The following CRISP2 variants were observed in gnomAD, a reference collection of about 807,000 sequenced individuals.
The protein encoded by CRISP2 is cysteine rich secretory protein 2, also known as cysteine-rich secretory protein 2.
CRISP2 carries 29 observed loss-of-function variants against 31.7 expected under a neutral mutation model. The observed-to-expected ratio is 0.92, with a 90% CI of 0.68 to 1.25. The LOEUF (loss-of-function observed/expected upper bound fraction) is 1.25, where lower values mean the gene tolerates loss of function less well. Ranked by LOEUF, CRISP2 falls within the 50% of genes most tolerant of loss-of-function variation. CRISP2 has a pLI of 0.00. For synonymous variants in CRISP2, 111 were observed against 101.4 expected, an observed-to-expected ratio of 1.09 and a Z score of -0.57; for missense variants, 318 against 286.5, an observed-to-expected ratio of 1.11 and a Z score of -0.79.
At chr6:49,709,535 A>G (rs1257791319) in intron 3 of CRISP2, among the ~76,000 whole-genome samples, 4 of 152,192 alleles carry the variant, frequency 2.6e-5, no homozygotes, top group Non-Finnish European at 5.9e-5. Flanking sequence ...CTTAATAGTT[A>G]ATTATAGTAC....
intron 4 of CRISP2, among the ~76,000 whole-genome samples, chr6:49,707,808 C>G (rs1325531698): frequency 2.6e-5 from 4 of 152,158 alleles, no homozygotes; most frequent in African/African-American, 9.7e-5. Context: ...CAGAGGCTAC[C>G]TGCTCAGGAG....
intron 9 of CRISP2, 26 bp from the exon 10 acceptor site, chr6:49,692,926 T>G: frequency 6.2e-7 from 1 of 1,610,032 alleles, no homozygotes; most frequent in South Asian, 1.1e-5. Context: ...ATTAGTTAAC[T>G]CATTATCGTT....
chr6:49,704,957 G>A (rs1343499219), intron 4 of CRISP2, among the ~76,000 whole-genome samples: 8 of 152,132 alleles, frequency 5.3e-5, no homozygotes, highest in South Asian at 2.1e-4. Flanking sequence ...GTAACAGCTC[G>A]AGTTGGTTTC....
chr6:49,683,634 A>C, the CRISP2 span, among the ~76,000 whole-genome samples: 2 of 131,406 alleles, frequency 1.5e-5, no homozygotes, highest in Admixed American at 1.7e-4. Context: ...ACTGCACTCC[A>C]GCCTGGGCAG....
In CRISP2 at chr6:49,695,726, A is replaced by G. The variant is rs967487922; in HGVS notation, c.604+110T>C. 3 of 920,048 alleles carry G rather than the reference A, an allele frequency of 3.3e-6. No individual in the cohort carries two copies. The Admixed American group carries it at 9.3e-5, about 29-fold the overall frequency. 57.0% of individuals were successfully genotyped at this position (920,048 alleles called of 1,614,324 possible). A position where few individuals can be genotyped will look rare whatever the true frequency, so the allele number is the denominator to read the frequency against. On this transcript the variant is annotated intron_variant, in intron 9 of 9. Transcript: ENST00000339139. Reference sequence around the variant, plus strand: ...TTGTTGAATAATTTTGGGTTTTTTCACCAATACATTATTTCAATTCATTAC... The same window carrying G: ...TTGTTGAATAATTTTGGGTTTTTTCGCCAATACATTATTTCAATTCATTAC...
chr6:49,691,598 T>C (rs1197130799), downstream of CRISP2, among the ~76,000 whole-genome samples: 2 of 152,066 alleles, frequency 1.3e-5, no homozygotes, highest in South Asian at 2.1e-4. Flanking sequence ...TCTCTCTATA[T>C]ATTTTTTCCG....
chr6:49,689,484 T>C (rs1212869123), downstream of CRISP2, among the ~76,000 whole-genome samples: 3 of 152,096 alleles, frequency 2.0e-5, no homozygotes, highest in Non-Finnish European at 4.4e-5. Flanking sequence ...TAATCACTCA[T>C]TATGTGCCAA....
chr6:49,711,136 C>A (rs1216757698), intron 3 of CRISP2, 149 bp downstream of exon 3: 1 of 151,248 alleles, frequency 6.6e-6, no homozygotes, highest in African/African-American at 2.5e-5. Context: ...CAGAAAGAGA[C>A]CCTGTCTCTA....
chr6:49,683,876 G>A, the CRISP2 span, among the ~76,000 whole-genome samples: 1 of 150,602 alleles, frequency 6.6e-6, no homozygotes, highest in Admixed American at 6.6e-5. Context: ...TTTATATAAA[G>A]GAAATATTTA....
At chr6:49,687,283 T>C in the CRISP2 span, among the ~76,000 whole-genome samples, 6 of 152,220 alleles carry the variant, frequency 3.9e-5, no homozygotes, top group South Asian at 1.2e-3. Context: ...ATGTATAAAA[T>C]ATTAAGTGAA....
chr6:49,703,722 G>A (rs1013060046), intron 4 of CRISP2, among the ~76,000 whole-genome samples: 2 of 152,146 alleles, frequency 1.3e-5, no homozygotes, highest in African/African-American at 2.4e-5. Flanking sequence ...AGATAAATCT[G>A]TGGTTAATCT....
rs146056148 is a variant in CRISP2 at position 49,693,004 on chromosome 6, T to A, written c.605-104A>T. ...AGGGGGTAGGAGGGAACAAACAAGT[T>A]AGCATCGCTTACACTACAATGGGTC... is the stretch of plus-strand genomic sequence containing the variant. On this transcript the variant is annotated intron_variant, in intron 9 of 9. Coordinates refer to ENST00000339139, the MANE Select transcript of CRISP2 (RefSeq NM_003296.4). 995 of 1,155,732 alleles carry A rather than the reference T, an allele frequency of 8.6e-4. 7 individuals are homozygous for A. The Middle Eastern group carries it at 0.013, about 15-fold the overall frequency. The allele number at this position is 1,155,732 out of a possible 1,614,324, so 71.6% of individuals were successfully genotyped here. A position where few individuals can be genotyped will look rare whatever the true frequency, so the allele number is the denominator to read the frequency against.
chr6:49,680,773 A>G, the CRISP2 span, among the ~76,000 whole-genome samples: 3 of 152,062 alleles, frequency 2.0e-5, no homozygotes, highest in Non-Finnish European at 4.4e-5. Context: ...CTTTTTTGGT[A>G]TGATTGTTGG....
the CRISP2 span, among the ~76,000 whole-genome samples, chr6:49,677,823 C>A: frequency 6.6e-6 from 1 of 151,978 alleles, no homozygotes; most frequent in Non-Finnish European, 1.5e-5. Flanking sequence ...TTTTAAAGGA[C>A]TGGAACTTTA....
At chr6:49,709,056 C>G in intron 4 of CRISP2, 75 bp downstream of exon 4, 2 of 1,296,260 alleles carry the variant, frequency 1.5e-6, no homozygotes, top group Non-Finnish European at 2.2e-6. Flanking sequence ...TCTTACCCCC[C>G]TTTACTTTCA....
At chr6:49,695,691 T>G (rs1297158366) in intron 9 of CRISP2, 145 bp downstream of exon 9, 2 of 615,806 alleles carry the variant, frequency 3.2e-6, no homozygotes, top group Non-Finnish European at 5.7e-6. Flanking sequence ...AATGTTTGTT[T>G]AAGCATACTT....
chr6:49,677,423 T>C, the CRISP2 span, among the ~76,000 whole-genome samples: 1 of 152,296 alleles, frequency 6.6e-6, no homozygotes, highest in Non-Finnish European at 1.5e-5. Context: ...CAAAGGGAAG[T>C]TGGCTCTTAT....
Position 49,697,970 on chromosome 6 carries a change from A to G in CRISP2, c.418-13T>C. On this transcript the variant is annotated splice_polypyrimidine_tract_variant and intron_variant, in intron 7 of 9. Coordinates refer to ENST00000339139, the MANE Select transcript of CRISP2 (RefSeq NM_003296.4). Reference sequence around the variant, plus strand: ...AGTACCAAACAAGCTGCAAATTAACAATGGAATAAATATATAAAAGTACAT... The same window carrying G: ...AGTACCAAACAAGCTGCAAATTAACGATGGAATAAATATATAAAAGTACAT... 6.4e-7 allele frequency: 1 copy of G among 1,552,244 alleles called. No homozygotes were observed. The highest frequency in any genetic ancestry group is 8.7e-7 in the Non-Finnish European group (1 of 1,145,078).
the CRISP2 span, among the ~76,000 whole-genome samples, chr6:49,685,930 A>C: frequency 2.0e-4 from 30 of 152,250 alleles, 1 homozygote; most frequent in South Asian, 6.2e-3. Flanking sequence ...ATACCCAGAG[A>C]AATATCACTC....
Sources: allele counts gnomAD v4.1 joint callset (sites outside exome capture counted in the v4.1 genomes callset), GRCh38; gene constraint gnomAD v4.1.1; transcripts MANE v1.5; gene names NCBI Gene and HGNC (gene_info 2026-07-23, HGNC 2026-07-21).